The following SMG7 variants were observed in gnomAD, a reference collection of about 807,000 sequenced individuals.
SMG7 encodes nonsense-mediated mRNA decay factor SMG7.
Under a neutral mutation model 148.2 loss-of-function variants are expected in SMG7, and 34 were observed. That is an observed-to-expected ratio of 0.23 (90% confidence interval 0.17 to 0.31). The LOEUF (loss-of-function observed/expected upper bound fraction) is 0.31, where lower values mean the gene tolerates loss of function less well. Ranked by LOEUF, SMG7 falls within the 10% of genes least tolerant of loss-of-function variation. The probability of loss-of-function intolerance (pLI) is 1.00; values close to 1 mark genes in which losing one functional copy is unlikely to be tolerated. For missense variants in SMG7, 1,114 were observed against 1,408.4 expected (o/e 0.79, Z 3.35); for synonymous variants, 492 against 515.1 (o/e 0.96, Z 0.61).
chr1:183,496,412 CT>C (rs1157602638), intron 1 of SMG7, among the ~76,000 whole-genome samples: 1 of 152,144 alleles, frequency 6.6e-6, no homozygotes, highest in Non-Finnish European at 1.5e-5. Flanking sequence ...CTTAAAAACG[CT>C]TTTGACCTTT....
Position 183,533,664 on chromosome 1 carries a change from T to TG in SMG7, c.1007-12_1007-11insG. On this transcript the variant is annotated splice_polypyrimidine_tract_variant and intron_variant, in intron 9 of 22. Coordinates refer to ENST00000688051, the MANE Select transcript of SMG7 (RefSeq NM_001375584.1). Reference sequence around the variant, plus strand: ...TATTTCTTATGCTTTTTGAATACATTTTTTTTTCAAGTGTCTTTTCTTGGC... The same window carrying TG: ...TATTTCTTATGCTTTTTGAATACATTGTTTTTTTCAAGTGTCTTTTCTTGGC... 1 of 1,594,778 alleles carries TG rather than the reference T, an allele frequency of 6.3e-7. No homozygotes were observed.
intron 3 of SMG7, 120 bp downstream of exon 3, chr1:183,516,111 A>G: frequency 1.5e-6 from 1 of 662,506 alleles, no homozygotes; most frequent in Non-Finnish European, 2.7e-6. Flanking sequence ...TTTCAATGGA[A>G]AGTAATTCTA....
chr1:183,487,304 T>C (rs1655699259), intron 1 of SMG7, among the ~76,000 whole-genome samples: 1 of 152,150 alleles, frequency 6.6e-6, no homozygotes, highest in Non-Finnish European at 1.5e-5. Context: ...CACATTACTC[T>C]ATATTCTACT....
chr1:183,504,849 C>T (rs1329613520), intron 1 of SMG7, among the ~76,000 whole-genome samples: 1 of 152,058 alleles, frequency 6.6e-6, no homozygotes, highest in East Asian at 1.9e-4. Flanking sequence ...GTCTCCCTAC[C>T]CCCAGTATTT....
At chr1:183,533,604 C>A in intron 9 of SMG7, 72 bp from the exon 10 acceptor site, 1 of 1,268,224 alleles carries the variant, frequency 7.9e-7, no homozygotes, top group Non-Finnish European at 1.1e-6. Context: ...TAGTAGAAGG[C>A]ACATAATATT....
At chr1:183,494,753 G>GTTAT in intron 1 of SMG7, among the ~76,000 whole-genome samples, 1 of 38,594 alleles carries the variant, frequency 2.6e-5, no homozygotes, top group South Asian at 8.2e-4. Context: ...GCTAGCCCTT[G>GTTAT]TTCTTTTTTT....
At chr1:183,484,056 A>G (rs1310777612) in intron 1 of SMG7, among the ~76,000 whole-genome samples, 2 of 152,046 alleles carry the variant, frequency 1.3e-5, no homozygotes, top group African/African-American at 4.8e-5. Flanking sequence ...GAAGCTCTCT[A>G]GTTTTTTACC....
At chr1:183,535,151 A>C (rs1667531818) in intron 10 of SMG7, among the ~76,000 whole-genome samples, 1 of 152,198 alleles carries the variant, frequency 6.6e-6, no homozygotes. Context: ...AATGTTACAA[A>C]AGAAGAACTG....
intron 1 of SMG7, among the ~76,000 whole-genome samples, chr1:183,489,620 T>C (rs1656426207): frequency 6.6e-6 from 1 of 152,192 alleles, no homozygotes; most frequent in Admixed American, 6.5e-5. Context: ...AATAGGACCA[T>C]GGCTGGGTTA....
chr1:183,545,373 C>G (rs1275765104), intron 16 of SMG7, 61 bp downstream of exon 16: 6 of 1,536,296 alleles, frequency 3.9e-6, no homozygotes, highest in Admixed American at 1.8e-5. Flanking sequence ...CTGAAAGATT[C>G]AATGTTAGAA....
intron 1 of SMG7, among the ~76,000 whole-genome samples, chr1:183,503,572 C>G (rs950457916): frequency 6.6e-6 from 1 of 152,046 alleles, no homozygotes; most frequent in African/African-American, 2.4e-5. Context: ...GGGTTTTTTA[C>G]TACAACTTTG....
chr1:183,529,500 C>T lies in SMG7; in HGVS notation c.810C>T (p.Ser270=). The T allele has an allele frequency of 2.5e-6, 4 of 1,612,694 alleles. No individual in the cohort carries two copies. Among genetic ancestry groups the T allele is most frequent in the Non-Finnish European group, 3.4e-6 (4 of 1,179,002 alleles). ...VYLSKSLEKL[S]PLREKLEEQF... is the part of the protein sequence containing the mutation. ...TGAGTAAGAGCTTGGAAAAGTTGAGCCCTCTTCGAGAGAAATTGGAAGAAC... is the reference window on the plus strand; with the variant it reads ...TGAGTAAGAGCTTGGAAAAGTTGAGTCCTCTTCGAGAGAAATTGGAAGAAC... The change falls in exon 8 of 23, where the codon AGC becomes AGT. Residue 270 remains serine, a synonymous_variant. Coordinates refer to ENST00000688051, the MANE Select transcript of SMG7 (RefSeq NM_001375584.1).
chr1:183,489,844 C>T (rs1022081480), intron 1 of SMG7, among the ~76,000 whole-genome samples: 5 of 152,266 alleles, frequency 3.3e-5, no homozygotes, highest in Middle Eastern at 6.8e-3. Context: ...CTATCGAAAA[C>T]GTGAGAGGGA....
chr1:183,544,869 A>T (rs1390438129), intron 15 of SMG7, 61 bp from the exon 16 acceptor site: 1 of 1,544,604 alleles, frequency 6.5e-7, no homozygotes, highest in African/African-American at 1.4e-5. Flanking sequence ...AAAAAAAATG[A>T]CTTTTTTTGC....
At chr1:183,491,149 T>C (rs1292131974) in intron 1 of SMG7, among the ~76,000 whole-genome samples, 3 of 152,254 alleles carry the variant, frequency 2.0e-5, no homozygotes, top group Non-Finnish European at 2.9e-5. Context: ...CTCTGATTTT[T>C]TTCAATGTTA....
intron 6 of SMG7, 67 bp from the exon 7 acceptor site, chr1:183,528,818 CTGATCAT>C: frequency 7.8e-7 from 1 of 1,290,212 alleles, no homozygotes; most frequent in Non-Finnish European, 1.1e-6. Flanking sequence ...TATTTAAACA[CTGATCAT>C]TTGTATTCTT....
chr1:183,495,454 A>G (rs2102257813), intron 1 of SMG7, among the ~76,000 whole-genome samples: 1 of 152,330 alleles, frequency 6.6e-6, no homozygotes, highest in African/African-American at 2.4e-5. Flanking sequence ...AGAGTGAGGA[A>G]AACAACTAGA....
intron 16 of SMG7, 32 bp from the exon 17 acceptor site, chr1:183,545,934 C>T: frequency 1.3e-6 from 2 of 1,545,090 alleles, no homozygotes; most frequent in Non-Finnish European, 8.7e-7. Context: ...TGCATTTTAT[C>T]CTCACCTTTA....
At chr1:183,500,912 C>T (rs192649954) in intron 1 of SMG7, among the ~76,000 whole-genome samples, 1 of 152,270 alleles carries the variant, frequency 6.6e-6, no homozygotes, top group African/African-American at 2.4e-5. Flanking sequence ...TTCTCTCATT[C>T]TTTTCCACTA....
Sources: gnomAD v4.1 joint callset for allele counts (sites outside exome capture counted in the v4.1 genomes callset) on GRCh38, gnomAD v4.1.1 for gene constraint, MANE v1.5 for transcripts, NCBI Gene and HGNC (gene_info 2026-07-23, HGNC 2026-07-21) for gene names.